CANT1: variants seen among roughly 807,000 people sequenced by gnomAD.
CANT1 encodes the protein soluble calcium-activated nucleotidase 1.
CANT1 carries 26 observed loss-of-function variants against 30.0 expected under a neutral mutation model. The ratio of observed to expected loss-of-function variants is 0.87; its 90% CI spans 0.64 to 1.20. The LOEUF (loss-of-function observed/expected upper bound fraction) is 1.20. Ranked by LOEUF, CANT1 falls within the 50% of genes most tolerant of loss-of-function variation. The pLI is 0.00. For missense variants in CANT1, 518 were observed against 563.0 expected, an observed-to-expected ratio of 0.92 and a Z score of 0.81; for synonymous variants, 246 against 251.8, an observed-to-expected ratio of 0.98 and a Z score of 0.22.
rs374546482 is a variant in CANT1, at chr17:78,995,157, C to T, written c.696G>A (p.Glu232=). ...CCACATCACCCGTAGTGGTCGTCCA[C>T]TCCTTGCCCAGGCCGCCCACGTACA... ...ERLYVGGLGK[E]WTTTTGDVVN... Residue 232 remains glutamate (E), a synonymous_variant, in exon 4 of 5, where the codon GAG becomes GAA. Coordinates refer to ENST00000392446, the MANE Select transcript of CANT1 (RefSeq NM_001159773.2). This position sits in a 1 kb window ranked among gnomAD's most constrained non-coding sequence, Gnocchi z 5.7. The T allele has an allele frequency of 8.1e-6, 13 of 1,613,978 alleles. 1 individual carries two copies. The African/African-American group carries it at 1.7e-4, about 22-fold the overall frequency.
rs780527463 is a variant in CANT1 at position 78,995,178 on chromosome 17, G to C, written c.675C>G (p.Tyr225Ter). ...EWLAVKDERL[Y>*]VGGLGKEWTT... is the part of the protein sequence containing the mutation. ...TCCACTCCTTGCCCAGGCCGCCCACGTACAGACGCTCGTCCTTCACTGCCA... is the reference window on the plus strand; with the variant it reads ...TCCACTCCTTGCCCAGGCCGCCCACCTACAGACGCTCGTCCTTCACTGCCA... Residue 225 changes from tyrosine (Y) to a stop codon, truncating the protein, a stop_gained, in exon 4 of 5, where the codon TAC (tyrosine) becomes TAG (stop). Transcript: ENST00000392446. LOFTEE classifies it high-confidence loss of function. The surrounding 1 kb of genome is among the most constrained non-coding windows in gnomAD (Gnocchi z 5.7). 1.2e-5 allele frequency: 20 copies of C among 1,613,924 alleles called. No individual in the cohort carries two copies. Among genetic ancestry groups the C allele is most frequent in the Non-Finnish European group, 1.6e-5 (19 of 1,179,928 alleles).
In CANT1 at chr17:78,994,427, C is replaced by T. The variant is rs150106708; in HGVS notation, c.836-507G>A. 7.1e-3 allele frequency among the ~76,000 whole-genome samples: 1,077 copies of T among 152,318 alleles called. 7 individuals are homozygous for T. Among genetic ancestry groups the T allele is most frequent in the Non-Finnish European group, 9.6e-3 (653 of 68,018 alleles). On this transcript the variant is annotated intron_variant, in intron 4 of 4. Coordinates refer to ENST00000392446, the MANE Select transcript of CANT1 (RefSeq NM_001159773.2). Reference sequence around the variant, plus strand: ...GGCCCTATGTTGGTGTGGAACACCACGGCCCAGCGCCAGGGGTAGGGACAG... The same window carrying T: ...GGCCCTATGTTGGTGTGGAACACCATGGCCCAGCGCCAGGGGTAGGGACAG...
rs370450411 is a variant in CANT1, at chr17:78,995,022, C to T, written c.831G>A (p.Pro277=). The T allele has an allele frequency of 8.9e-6, 14 of 1,568,166 alleles. No homozygotes were observed. Among genetic ancestry groups the T allele is most frequent in the African/African-American group, 2.7e-5 (2 of 74,096 alleles). Residue 277 remains proline, a synonymous_variant, in exon 4 of 5, where the codon CCG becomes CCA. Transcript: ENST00000392446. This position sits in a 1 kb window ranked among gnomAD's most constrained non-coding sequence, Gnocchi z 5.7. ...GCTGGGGCAGGCGTCTCTTACCTGGCGGCTGGATGCCGGCAGCAGCCCGCA... is the reference window on the plus strand; with the variant it reads ...GCTGGGGCAGGCGTCTCTTACCTGGTGGCTGGATGCCGGCAGCAGCCCGCA... ...NALRAAAGIQ[P]PGYLIHESAC...
At chr17:79,005,652 G>A (rs188385609) in intron 1 of CANT1, among the ~76,000 whole-genome samples, 86 of 152,162 alleles carry the variant, frequency 5.7e-4, no homozygotes, top group Non-Finnish European at 1.0e-3. Flanking sequence ...TGGCAGGTGC[G>A]CCAACCCCTT....
Position 79,002,465 on chromosome 17 carries a change from G to A in CANT1, c.-146-4502C>T, listed in dbSNP as rs940977217. On this transcript the variant is annotated intron_variant, in intron 1 of 4. Coordinates refer to ENST00000392446, the MANE Select transcript of CANT1 (RefSeq NM_001159773.2). This position sits in a 1 kb window ranked among gnomAD's most constrained non-coding sequence, Gnocchi z 4.0. ...CCCGCCTAGTGTGTAGATGCGGCCT[G>A]TGTGGCCTGGTATGTGGTTGCAGCT... is the stretch of plus-strand genomic sequence containing the variant. 2.6e-5 allele frequency among the ~76,000 whole-genome samples: 4 copies of A among 152,244 alleles called. No homozygotes were observed. The highest frequency in any genetic ancestry group is 2.0e-4 in the Admixed American group (3 of 15,296).
chr17:79,003,110 T>C (rs2145849456), intron 1 of CANT1, among the ~76,000 whole-genome samples: 1 of 151,606 alleles, frequency 6.6e-6, no homozygotes, highest in African/African-American at 2.4e-5. Context: ...CAGTGTTACC[T>C]CGAGGTCACG....
chr17:79,006,757 A>C (rs552552330), intron 1 of CANT1, among the ~76,000 whole-genome samples: 1 of 152,356 alleles, frequency 6.6e-6, no homozygotes, highest in East Asian at 1.9e-4. Context: ...AGAGTGTGTG[A>C]AAATAACGGG....
At position 78,997,735 on chromosome 17, in the gene CANT1, T is replaced by C; in HGVS notation, c.-22-91A>G. On this transcript the variant is annotated intron_variant, in intron 2 of 4. Coordinates refer to ENST00000392446, the MANE Select transcript of CANT1 (RefSeq NM_001159773.2). The surrounding 1 kb of genome is among the most constrained non-coding windows in gnomAD (Gnocchi z 7.5). ...GAAGCTGCAGGCGCTGGAGGCTGACTTTTCCAGAAGAAACAGTATTTCACT... is the reference window on the plus strand; with the variant it reads ...GAAGCTGCAGGCGCTGGAGGCTGACCTTTCCAGAAGAAACAGTATTTCACT... 1 of 1,177,314 alleles carries C rather than the reference T, an allele frequency of 8.5e-7. No homozygotes were observed. 72.9% of individuals were successfully genotyped at this position (1,177,314 alleles called of 1,614,324 possible). A position where few individuals can be genotyped will look rare whatever the true frequency, so the allele number is the denominator to read the frequency against.
At chr17:79,006,560 G>A (rs1266435765) in intron 1 of CANT1, among the ~76,000 whole-genome samples, 1 of 152,180 alleles carries the variant, frequency 6.6e-6, no homozygotes, top group Non-Finnish European at 1.5e-5. Context: ...ACCAGTCACT[G>A]TCTATGGTGT....
rs1236340264 is a variant in CANT1, at chr17:78,996,211, G to C, written c.631+781C>G. 1.3e-5 allele frequency among the ~76,000 whole-genome samples: 2 copies of C among 152,228 alleles called. No homozygotes were observed. The highest frequency in any genetic ancestry group is 6.5e-5 in the Admixed American group (1 of 15,288). On this transcript the variant is annotated intron_variant, in intron 3 of 4. Coordinates refer to ENST00000392446, the MANE Select transcript of CANT1 (RefSeq NM_001159773.2). This position sits in a 1 kb window ranked among gnomAD's most constrained non-coding sequence, Gnocchi z 5.1. ...GGGAGGGCCTGGCCGGCCATGAACT[G>C]TGTGGGCCGTTGTTTAGTGCAGTTC...
At chr17:79,006,399 C>T (rs896405814) in intron 1 of CANT1, among the ~76,000 whole-genome samples, 3 of 152,156 alleles carry the variant, frequency 2.0e-5, no homozygotes, top group African/African-American at 4.8e-5. Context: ...ACTTTAAGGC[C>T]GGCTGATCAG....
In CANT1 at chr17:78,993,591, T is replaced by C. The variant is rs376981421; in HGVS notation, c.1165A>G (p.Lys389Glu). ...CCTTCGTATTTCACGCTTCCGATCTTGGTCTCCGGCAACAGGAAGCGCCCG... is the reference window on the plus strand; with the variant it reads ...CCTTCGTATTTCACGCTTCCGATCTCGGTCTCCGGCAACAGGAAGCGCCCG... ...LDGRFLLPETKIGSVKYEGIE... is the reference protein window; with the variant it reads ...LDGRFLLPETEIGSVKYEGIE... Residue 389 changes from lysine (K) to glutamate (E), a missense_variant, in exon 5 of 5, where the codon AAG becomes GAG. Physicochemically the swap from Lys to Glu is moderately conservative, Grantham distance 56. Transcript: ENST00000392446. The surrounding 1 kb of genome is among the most constrained non-coding windows in gnomAD (Gnocchi z 4.5). 1.2e-6 allele frequency: 2 copies of C among 1,614,128 alleles called. No individual in the cohort carries two copies. Among genetic ancestry groups the C allele is most frequent in the African/African-American group, 1.3e-5 (1 of 74,954 alleles).
chr17:78,998,115 C>G lies in CANT1; in HGVS notation c.-146-152G>C. 5.3e-6 allele frequency: 1 copy of G among 189,640 alleles called. No individual in the cohort carries two copies. Among genetic ancestry groups the G allele is most frequent in the East Asian group, 8.8e-5 (1 of 11,428 alleles). 11.7% of individuals were successfully genotyped at this position (189,640 alleles called of 1,614,324 possible). ...TGACTGCCCTGCTGCAGACATCACC[C>G]TCCGTCCCTGGGTCCTTGGCCCTTG... On this transcript the variant is annotated intron_variant, in intron 1 of 4. Transcript: ENST00000392446. The surrounding 1 kb of genome is among the most constrained non-coding windows in gnomAD (Gnocchi z 4.5).
chr17:78,997,323 C>A lies in CANT1; in HGVS notation c.300G>T (p.Pro100=). The A allele has an allele frequency of 6.2e-7, 1 of 1,613,908 alleles. No homozygotes were observed. Among genetic ancestry groups the A allele is most frequent in the East Asian group, 2.2e-5 (1 of 44,874 alleles). Residue 100 remains proline, a synonymous_variant, in exon 3 of 5, where the codon CCG becomes CCT. Transcript: ENST00000392446. This position sits in a 1 kb window ranked among gnomAD's most constrained non-coding sequence, Gnocchi z 7.5. The part of the protein sequence containing the change: ...TYPLSPPQRT[P]AGIRYRIAVI... Reference sequence around the variant, plus strand: ...CTGCGATTCGATACCGAATCCCAGCCGGTGTCCTTTGTGGGGGAGACAGGG... The same window carrying A: ...CTGCGATTCGATACCGAATCCCAGCAGGTGTCCTTTGTGGGGGAGACAGGG...
rs1020082378 is a variant in CANT1, at chr17:78,998,416, G to C, written c.-146-453C>G. On this transcript the variant is annotated intron_variant, in intron 1 of 4. Transcript: ENST00000392446. This position sits in a 1 kb window ranked among gnomAD's most constrained non-coding sequence, Gnocchi z 4.5. Reference sequence around the variant, plus strand: ...TTAATGCAAATGACTGCAGGGACCAGAGTCTGCGCTGCCCTGACTGCCTGG... The same window carrying C: ...TTAATGCAAATGACTGCAGGGACCACAGTCTGCGCTGCCCTGACTGCCTGG... 3 of 152,254 alleles carry C rather than the reference G, an allele frequency of 2.0e-5. No individual in the cohort carries two copies. The highest frequency in any genetic ancestry group is 7.2e-5 in the African/African-American group (3 of 41,454). 9.4% of individuals were successfully genotyped at this position (152,254 alleles called of 1,614,324 possible).
chr17:79,008,948 C>T lies in CANT1; in HGVS notation c.-147+716G>A, dbSNP rs2071644783. Among the ~76,000 whole-genome samples the T allele has an allele frequency of 1.3e-5, 2 of 152,216 alleles. No homozygotes were observed. The highest frequency in any genetic ancestry group is 4.8e-5 in the African/African-American group (2 of 41,448). ...TGGGGTGGGGAAGGTTGGCCTGTTA[C>T]AGGTTTGACCAAGTGCCAGTCAGAG... On this transcript the variant is annotated intron_variant, in intron 1 of 4. Coordinates refer to ENST00000392446, the MANE Select transcript of CANT1 (RefSeq NM_001159773.2). The surrounding 1 kb of genome is among the most constrained non-coding windows in gnomAD (Gnocchi z 4.4).
At chr17:79,006,466 G>C (rs1313852736) in intron 1 of CANT1, among the ~76,000 whole-genome samples, 1 of 152,214 alleles carries the variant, frequency 6.6e-6, no homozygotes, top group Admixed American at 6.5e-5. Context: ...CAGAAGGTAG[G>C]ACGTGGACAT....
Position 78,993,849 on chromosome 17 carries a change from T to TGGCGC in CANT1, c.902_906dup (p.Ser303AlafsTer21), listed in dbSNP as rs587776895. ...TCCTTCTCGCTGTAGCGCTCCTGGCTGGCGCGGCGCGGCAGGAAGAACCAG... is the reference window on the plus strand; with the variant it reads ...TCCTTCTCGCTGTAGCGCTCCTGGCTGGCGCGGCGCGGCGCGGCAGGAAGAACCAG... On this transcript the variant is annotated frameshift_variant, in exon 5 of 5. Transcript: ENST00000392446. LOFTEE classifies it high-confidence loss of function. The surrounding 1 kb of genome is among the most constrained non-coding windows in gnomAD (Gnocchi z 4.5). 27 of 1,600,834 alleles carry TGGCGC rather than the reference T, an allele frequency of 1.7e-5. No individual in the cohort carries two copies. Among genetic ancestry groups the TGGCGC allele is most frequent in the Admixed American group, 8.4e-5 (5 of 59,682 alleles).
rs2070849899 is a variant in CANT1 at position 78,991,779 on chromosome 17, CATT to C, written c.*1768_*1770del. 9.0e-6 allele frequency: 2 copies of C among 221,614 alleles called. No individual in the cohort carries two copies. Among genetic ancestry groups the C allele is most frequent in the East Asian group, 6.6e-5 (1 of 15,234 alleles). The allele number at this position is 221,614 out of a possible 1,614,324, so 13.7% of individuals were successfully genotyped here. Reference sequence around the variant, plus strand: ...GGATCCCATAGGGAAGGAACACAATCATTATGCTGACAGCAGCGAACAGAGAGG... The same window carrying C: ...GGATCCCATAGGGAAGGAACACAATCATGCTGACAGCAGCGAACAGAGAGG... On this transcript the variant is annotated 3_prime_UTR_variant, in exon 5 of 5. Coordinates refer to ENST00000392446, the MANE Select transcript of CANT1 (RefSeq NM_001159773.2).
Sources: gnomAD v4.1 joint callset for allele counts (sites outside exome capture counted in the v4.1 genomes callset) on GRCh38, gnomAD v4.1.1 for gene constraint, Gnocchi (gnomAD v3.1) non-coding constraint, MANE v1.5 for transcripts, NCBI Gene and HGNC (gene_info 2026-07-23, HGNC 2026-07-21) for gene names.